Variants in CNBD2 observed in about 807,000 individuals in gnomAD.
CNBD2 encodes cyclic nucleotide-binding domain-containing protein 2.
In CNBD2, 64 loss-of-function variants were observed where a neutral mutation model predicts 63.7. The ratio of observed to expected loss-of-function variants is 1.00; its 90% CI spans 0.82 to 1.24. The LOEUF (loss-of-function observed/expected upper bound fraction) is 1.24, where lower values mean the gene tolerates loss of function less well. CNBD2 is among the 50% of genes most tolerant of loss of function. The pLI is 0.00. For synonymous variants in CNBD2, 229 were observed against 255.4 expected (o/e 0.90, Z 0.99); for missense variants, 691 against 713.5 (o/e 0.97, Z 0.36).
chr20:35,989,165 C>T (rs185316507), intron 7 of CNBD2, among the ~76,000 whole-genome samples: 1 of 152,302 alleles, frequency 6.6e-6, no homozygotes, highest in African/African-American at 2.4e-5. Context: ...CAAGGTCACA[C>T]AGCTGATGAA....
At chr20:35,967,200 C>G (rs1009083800), upstream of CNBD2, among the ~76,000 whole-genome samples, 9 of 150,538 alleles carry the variant, frequency 6.0e-5, no homozygotes, top group Non-Finnish European at 1.2e-4. Flanking sequence ...CCTGCTCATT[C>G]CCTCCTCTGC....
intron 9 of CNBD2, among the ~76,000 whole-genome samples, chr20:36,010,385 A>G (rs964233785): frequency 5.3e-5 from 8 of 150,960 alleles, no homozygotes; most frequent in African/African-American, 2.0e-4. Flanking sequence ...TCTAGGTTGC[A>G]GTGAGCCAAG....
At chr20:36,011,326 A>G in intron 10 of CNBD2, 69 bp downstream of exon 10, 1 of 1,383,532 alleles carries the variant, frequency 7.2e-7, no homozygotes, top group South Asian at 1.9e-5. Context: ...TTAAGTAATG[A>G]CAGTAAAGGT....
At chr20:35,997,053 G>T (rs1212239174) in intron 8 of CNBD2, among the ~76,000 whole-genome samples, 1 of 152,174 alleles carries the variant, frequency 6.6e-6, no homozygotes, top group Non-Finnish European at 1.5e-5. Context: ...AACCAGGCTT[G>T]CTGATTCTAG....
upstream of CNBD2, chr20:35,954,702 G>T: frequency 9.3e-7 from 1 of 1,071,006 alleles, no homozygotes; most frequent in Non-Finnish European, 1.2e-6. Context: ...CTGAATGTTT[G>T]GAGATAGACT....
intron 8 of CNBD2, among the ~76,000 whole-genome samples, chr20:36,007,743 G>C (rs948702882): frequency 1.3e-5 from 2 of 152,112 alleles, no homozygotes; most frequent in African/African-American, 4.8e-5. Flanking sequence ...GGCTGGTCTT[G>C]AACTCCTGGG....
chr20:36,026,754 C>A (rs1010717387), intron 11 of CNBD2, among the ~76,000 whole-genome samples: 4 of 152,220 alleles, frequency 2.6e-5, no homozygotes, highest in African/African-American at 7.2e-5. Flanking sequence ...CTGCAGCAAA[C>A]CTCCTCAGAC....
intron 11 of CNBD2, 41 bp downstream of exon 11, chr20:36,023,812 GA>G (rs1410644087): frequency 6.7e-7 from 1 of 1,497,644 alleles, no homozygotes; most frequent in Non-Finnish European, 9.0e-7. Context: ...CAGGTGAAAT[GA>G]ACAATTTTTC....
At chr20:36,014,390 C>CAAGT (rs2057106945) in intron 10 of CNBD2, among the ~76,000 whole-genome samples, 3 of 149,128 alleles carry the variant, frequency 2.0e-5, no homozygotes, top group African/African-American at 4.9e-5. Context: ...AGTGCAGTGG[C>CAAGT]GCCATCTCGG....
upstream of CNBD2, among the ~76,000 whole-genome samples, chr20:35,964,735 A>G (rs2056332556): frequency 6.9e-6 from 1 of 144,194 alleles, no homozygotes; most frequent in Non-Finnish European, 1.5e-5. Context: ...ACGGAGTCTC[A>G]CTCTGTTGCC....
intron 4 of CNBD2, among the ~76,000 whole-genome samples, chr20:35,981,159 T>TGTC (rs1324417723): frequency 2.6e-5 from 4 of 152,212 alleles, no homozygotes; most frequent in Non-Finnish European, 4.4e-5. Flanking sequence ...GACAGATGTC[T>TGTC]GCTTTTGGAG....
Position 36,011,210 on chromosome 20 carries a change from G to C in CNBD2, c.1222G>C (p.Val408Leu), listed in dbSNP as rs1345045801. ...KPGELPKEAA[V>L]GAYVKVHTVE... is the part of the protein sequence containing the mutation. Reference sequence around the variant, plus strand: ...TGGTGAGCTCCCCAAGGAGGCTGCAGTGGGGGCCTACGTGAAGGTGCACAC... The same window carrying C: ...TGGTGAGCTCCCCAAGGAGGCTGCACTGGGGGCCTACGTGAAGGTGCACAC... Residue 408 changes from valine (V) to leucine (L), a missense_variant, in exon 10 of 12, where the codon GTG (valine) becomes CTG (leucine). Val to Leu is a conservative substitution (Grantham distance 32). Coordinates refer to ENST00000373973, the MANE Select transcript of CNBD2 (RefSeq NM_001365709.1). 1 of 1,596,332 alleles carries C rather than the reference G, an allele frequency of 6.3e-7. No individual in the cohort carries two copies. Among genetic ancestry groups the C allele is most frequent in the Admixed American group, 1.7e-5 (1 of 57,938 alleles).
At chr20:35,984,567 A>AG in intron 5 of CNBD2, 60 bp from the exon 6 acceptor site, 1 of 1,576,800 alleles carries the variant, frequency 6.3e-7, no homozygotes, top group East Asian at 2.2e-5. Flanking sequence ...GATGTGTGTA[A>AG]GGCTGAGGAC....
intron 10 of CNBD2, among the ~76,000 whole-genome samples, chr20:36,020,667 G>A (rs979946612): frequency 6.6e-5 from 10 of 152,150 alleles, no homozygotes; most frequent in African/African-American, 2.4e-4. Context: ...TAGGATGGTT[G>A]TAAGGTGTAA....
intron 2 of CNBD2, among the ~76,000 whole-genome samples, chr20:35,960,782 CATTCT>C (rs1329612077): frequency 1.3e-3 from 116 of 86,074 alleles, no homozygotes; most frequent in African/African-American, 7.9e-3. Context: ...CCTTCTCTTC[CATTCT>C]CTTCCCTTCT....
intron 8 of CNBD2, among the ~76,000 whole-genome samples, chr20:36,005,680 G>A (rs533468319): frequency 4.5e-4 from 69 of 152,226 alleles, no homozygotes; most frequent in African/African-American, 1.7e-3. Context: ...GCCGGGCATG[G>A]TGGCTCACAC....
At chr20:35,997,474 A>C (rs958309272) in intron 8 of CNBD2, among the ~76,000 whole-genome samples, 3 of 152,094 alleles carry the variant, frequency 2.0e-5, no homozygotes, top group African/African-American at 7.2e-5. Flanking sequence ...CTTCATATCT[A>C]CCTTGGGTAG....
chr20:35,957,308 C>T (rs756625636), downstream of CNBD2, among the ~76,000 whole-genome samples: 1 of 152,104 alleles, frequency 6.6e-6, no homozygotes, highest in Non-Finnish European at 1.5e-5. Context: ...AGTAGTTGGC[C>T]GGGCGCGGTG....
intron 11 of CNBD2, among the ~76,000 whole-genome samples, chr20:36,024,326 CTG>C (rs942577542): frequency 1.1e-4 from 16 of 150,412 alleles, no homozygotes; most frequent in African/African-American, 3.9e-4. Context: ...CAGAGTGAAA[CTG>C]TGTGTTAAAA....
Sources: allele counts gnomAD v4.1 joint callset (sites outside exome capture counted in the v4.1 genomes callset), GRCh38; gene constraint gnomAD v4.1.1; transcripts MANE v1.5; gene names NCBI Gene and HGNC (gene_info 2026-07-23, HGNC 2026-07-21).